DENND2C: variants seen among roughly 807,000 people sequenced by gnomAD.
DENND2C encodes the protein DENN domain-containing protein 2C.
DENND2C carries 72 observed loss-of-function variants against 112.4 expected under a neutral mutation model. That is an observed-to-expected ratio of 0.64 (90% CI 0.53 to 0.78). The LOEUF (loss-of-function observed/expected upper bound fraction) is 0.78. DENND2C is among the 30% of genes least tolerant of loss of function. The pLI, the probability that DENND2C is intolerant of heterozygous loss-of-function variation, is 0.00. For missense variants in DENND2C, 992 were observed against 1,113.8 expected (o/e 0.89, Z 1.56); for synonymous variants, 329 against 381.6 (o/e 0.86, Z 1.61).
intron 8 of DENND2C, among the ~76,000 whole-genome samples, chr1:114,615,908 T>C (rs1432912386): frequency 6.6e-6 from 1 of 151,980 alleles, no homozygotes; most frequent in African/African-American, 2.4e-5. Context: ...ACCCCGTCTC[T>C]ACTAAAAATA....
intron 16 of DENND2C, among the ~76,000 whole-genome samples, chr1:114,596,509 G>A (rs1045843479): frequency 3.9e-5 from 6 of 152,192 alleles, no homozygotes; most frequent in Non-Finnish European, 8.8e-5. Flanking sequence ...GGATATTTTA[G>A]GTGTGATAAT....
At chr1:114,600,067 T>C (rs200211343) in intron 15 of DENND2C, 137 bp downstream of exon 15, 2 of 917,616 alleles carry the variant, frequency 2.2e-6, no homozygotes, top group African/African-American at 1.7e-5. Flanking sequence ...TGTATACATA[T>C]GTAATGAACC....
intron 3 of DENND2C, among the ~76,000 whole-genome samples, chr1:114,638,081 A>G (rs1172542300): frequency 1.3e-5 from 2 of 152,230 alleles, no homozygotes; most frequent in African/African-American, 4.8e-5. Flanking sequence ...AATGTATATT[A>G]GTTGACAGGA....
rs2101651092 is a variant in DENND2C, at chr1:114,604,953, T to C, written c.1636A>G (p.Lys546Glu). Residue 546 changes from lysine (K) to glutamate (E), a missense_variant, in exon 11 of 21, where the codon AAG becomes GAG. Physicochemically the swap from Lys to Glu is moderately conservative, Grantham distance 56 (BLOSUM62 1). Around this residue, in one of 3 missense-constraint regions of DENND2C, gnomAD observed 516 missense variants for 623.6 expected, o/e 0.83. Coordinates refer to ENST00000393274, the MANE Select transcript of DENND2C (RefSeq NM_001256404.2). ...AGTTCTGAGGTTGGCATCCAGTCCT[T>C]TGAATCAGGAAAACAAAATTTTGGA... ...VIPKFCFPDS[K>E]DWMPTSELKS... 6.2e-7 allele frequency: 1 copy of C among 1,613,786 alleles called. No homozygotes were observed. Among genetic ancestry groups the C allele is most frequent in the East Asian group, 2.2e-5 (1 of 44,838 alleles).
At chr1:114,661,820 A>T (rs1657499433) in intron 1 of DENND2C, among the ~76,000 whole-genome samples, 1 of 152,216 alleles carries the variant, frequency 6.6e-6, no homozygotes, top group African/African-American at 2.4e-5. Context: ...AATTGATCCA[A>T]TTTGATTTAA....
intron 17 of DENND2C, among the ~76,000 whole-genome samples, chr1:114,595,198 T>G (rs1655308038): frequency 6.6e-6 from 1 of 152,182 alleles, no homozygotes; most frequent in Non-Finnish European, 1.5e-5. Context: ...AATCAGTGCT[T>G]GGCCGGGCAT....
intron 18 of DENND2C, among the ~76,000 whole-genome samples, chr1:114,592,778 C>G (rs11102823): frequency 0.036 from 5,437 of 152,160 alleles, 326 homozygotes; most frequent in African/African-American, 0.12. Context: ...GAATGGAATT[C>G]TAATTCTGTC....
At chr1:114,610,810 G>A (rs907572521) in intron 9 of DENND2C, among the ~76,000 whole-genome samples, 44 of 151,972 alleles carry the variant, frequency 2.9e-4, no homozygotes, top group African/African-American at 8.0e-4. Context: ...GCTCTCTGCC[G>A]CTCCCCTAAG....
At chr1:114,618,051 C>G (rs902017429) in intron 8 of DENND2C, among the ~76,000 whole-genome samples, 1 of 150,466 alleles carries the variant, frequency 6.6e-6, no homozygotes. Context: ...TGCAGTGGTG[C>G]GATTTCAGCT....
chr1:114,601,559 A>G lies in DENND2C; in HGVS notation c.1764T>C (p.Pro588=), dbSNP rs372725703. ...GGCGACTAACCATGCAGTATACCTCAGGGAGTCGCTTTCCTTTGCCTACTG... is the reference window on the plus strand; with the variant it reads ...GGCGACTAACCATGCAGTATACCTCGGGGAGTCGCTTTCCTTTGCCTACTG... ...LLPVGKGKRL[P]EVYCMVSRLG... is the part of the protein sequence containing the mutation. The change falls in exon 13 of 21, where the codon CCT becomes CCC. Residue 588 remains proline (P), a synonymous_variant. Coordinates refer to ENST00000393274, the MANE Select transcript of DENND2C (RefSeq NM_001256404.2). 6.8e-6 allele frequency: 11 copies of G among 1,613,432 alleles called. No individual in the cohort carries two copies. In the African/African-American group the frequency reaches 1.3e-4, roughly 20 times the overall value.
chr1:114,656,603 G>A (rs1293253654), intron 1 of DENND2C, among the ~76,000 whole-genome samples: 3 of 151,334 alleles, frequency 2.0e-5, no homozygotes, highest in Non-Finnish European at 2.9e-5. Context: ...TCACCGTGTT[G>A]GCCAGGATGG....
rs1348921254 is a variant in DENND2C at position 114,621,905 on chromosome 1, T to C, written c.1217A>G (p.Asn406Ser). 6.4e-7 allele frequency: 1 copy of C among 1,550,484 alleles called. No homozygotes were observed. The highest frequency in any genetic ancestry group is 1.4e-5 in the African/African-American group (1 of 73,062). The change falls in exon 7 of 21, where the codon AAT becomes AGT. Residue 406 changes from asparagine (N) to serine (S), a missense_variant. Coordinates refer to ENST00000393274, the MANE Select transcript of DENND2C (RefSeq NM_001256404.2). ...CACTGGAGTCTTTACCCTTGGAAGA[T>C]TTTTCCTTTTCGTGTTTGCAACTTC... ...AGEVANTKRK[N>S]LPRLVLKIDD...
At chr1:114,627,595 A>T (rs367700642) in intron 3 of DENND2C, among the ~76,000 whole-genome samples, 1 of 107,682 alleles carries the variant, frequency 9.3e-6, no homozygotes, top group Non-Finnish European at 2.0e-5. Context: ...AAAAAAAAAA[A>T]AAAAAAATCC....
chr1:114,598,974 T>C (rs1285239251), intron 16 of DENND2C, among the ~76,000 whole-genome samples: 1 of 152,136 alleles, frequency 6.6e-6, no homozygotes, highest in African/African-American at 2.4e-5. Context: ...TAAGCCACCA[T>C]GCCCGGCCTT....
intron 2 of DENND2C, among the ~76,000 whole-genome samples, chr1:114,652,923 TG>T (rs548356599): frequency 4.6e-4 from 70 of 152,154 alleles, no homozygotes; most frequent in Admixed American, 3.5e-3. Flanking sequence ...ACTATTATAC[TG>T]TATTGCTTAG....
At chr1:114,600,716 T>C in intron 14 of DENND2C, 104 bp downstream of exon 14, 1 of 1,380,976 alleles carries the variant, frequency 7.2e-7, no homozygotes, top group Non-Finnish European at 9.8e-7. Context: ...TTCTTTACAG[T>C]TTATGGAAAA....
At chr1:114,613,131 A>T (rs889687360) in intron 8 of DENND2C, among the ~76,000 whole-genome samples, 2 of 152,246 alleles carry the variant, frequency 1.3e-5, no homozygotes, top group Admixed American at 1.3e-4. Flanking sequence ...AAGGTTAGAA[A>T]CAACTAAACT....
At chr1:114,588,130 T>G (rs1421672641) in intron 18 of DENND2C, among the ~76,000 whole-genome samples, 178 bp from the exon 19 acceptor site, 1 of 152,200 alleles carries the variant, frequency 6.6e-6, no homozygotes, top group Admixed American at 6.5e-5. Context: ...GGCTAATTGC[T>G]TCTACCCTTC....
Position 114,661,082 on chromosome 1 carries a change from G to C in DENND2C, c.-573-6321C>G, listed in dbSNP as rs552385944. On this transcript the variant is annotated intron_variant, in intron 1 of 20. Transcript: ENST00000393274. ...GCCGGTATTGTGCCACTGTGCACCT[G>C]GGCGACAGAGCGAGACTCCGTCTCA... 4.7e-3 allele frequency among the ~76,000 whole-genome samples: 686 copies of C among 146,200 alleles called. 6 individuals are homozygous for C. Among genetic ancestry groups the C allele is most frequent in the Non-Finnish European group, 8.0e-3 (540 of 67,414 alleles).
Sources: allele counts gnomAD v4.1 joint callset (sites outside exome capture counted in the v4.1 genomes callset), GRCh38; gene constraint gnomAD v4.1.1; regional missense constraint gnomAD v4.1.1; transcripts MANE v1.5; gene names NCBI Gene and HGNC (gene_info 2026-07-23, HGNC 2026-07-21).